The following PARD3B variants were observed in gnomAD, a reference collection of about 807,000 sequenced individuals.
PARD3B encodes partitioning defective 3 homolog B.
A neutral mutation model predicts 130.2 loss-of-function variants in PARD3B; 103 were observed. The observed-to-expected ratio is 0.79, with a 90% CI of 0.67 to 0.93. The LOEUF (loss-of-function observed/expected upper bound fraction) is 0.93, where lower values mean the gene tolerates loss of function less well. Ranked by LOEUF, PARD3B falls within the 40% of genes least tolerant of loss-of-function variation. The pLI, the probability that PARD3B is intolerant of heterozygous loss-of-function variation, is 0.00. For missense variants in PARD3B, 1,609 were observed against 1,499.2 expected, an observed-to-expected ratio of 1.07 and a Z score of -1.21; for synonymous variants, 583 against 553.2, an observed-to-expected ratio of 1.05 and a Z score of -0.76.
chr2:204,802,247 T>C (rs927753356), intron 2 of PARD3B, among the ~76,000 whole-genome samples: 2 of 152,160 alleles, frequency 1.3e-5, no homozygotes, highest in African/African-American at 4.8e-5. Context: ...CAAAAGCTCA[T>C]CATCAATGGT....
intron 12 of PARD3B, among the ~76,000 whole-genome samples, chr2:205,173,544 A>G (rs901019272): frequency 1.3e-5 from 2 of 152,224 alleles, no homozygotes; most frequent in Non-Finnish European, 2.9e-5. Flanking sequence ...ACTTCATCTC[A>G]GAGAGTAAAC....
At chr2:205,003,105 C>A (rs1268862568) in intron 3 of PARD3B, among the ~76,000 whole-genome samples, 1 of 152,204 alleles carries the variant, frequency 6.6e-6, no homozygotes, top group Non-Finnish European at 1.5e-5. Context: ...TTCCTTGGCT[C>A]CTGGTCCCCT....
At chr2:204,794,382 G>A (rs79439528) in intron 2 of PARD3B, among the ~76,000 whole-genome samples, 116 of 152,280 alleles carry the variant, frequency 7.6e-4, no homozygotes, top group African/African-American at 2.7e-3. Flanking sequence ...ATGCACTAGC[G>A]TATGGTGCTC....
intron 2 of PARD3B, among the ~76,000 whole-genome samples, chr2:204,728,994 G>C (rs1266908334): frequency 2.0e-5 from 3 of 152,114 alleles, no homozygotes. Flanking sequence ...CATTATTTCA[G>C]AACAAGCTGA....
At chr2:205,060,965 G>A (rs909240587) in intron 4 of PARD3B, among the ~76,000 whole-genome samples, 2 of 152,032 alleles carry the variant, frequency 1.3e-5, no homozygotes, top group South Asian at 2.1e-4. Flanking sequence ...GCATGAATGG[G>A]AAGCTTCAAG....
At chr2:205,264,402 T>C (rs1250848790) in intron 16 of PARD3B, among the ~76,000 whole-genome samples, 1 of 151,154 alleles carries the variant, frequency 6.6e-6, no homozygotes. Context: ...GTTCAGTGGT[T>C]TGAAACAACT....
At chr2:205,156,273 G>C (rs1177238040) in intron 10 of PARD3B, among the ~76,000 whole-genome samples, 3 of 15,618 alleles carry the variant, frequency 1.9e-4, no homozygotes, top group Non-Finnish European at 3.7e-4. Flanking sequence ...GGGGTGGGCG[G>C]GGGGGGGAGG....
chr2:205,477,542 A>T (rs2049067803), intron 20 of PARD3B, among the ~76,000 whole-genome samples: 1 of 152,130 alleles, frequency 6.6e-6, no homozygotes. Context: ...TACAGCTGAA[A>T]AGCATGCTGG....
chr2:205,132,144 C>G (rs1322068447), intron 10 of PARD3B, among the ~76,000 whole-genome samples: 1 of 152,072 alleles, frequency 6.6e-6, no homozygotes, highest in Non-Finnish European at 1.5e-5. Context: ...ATAACCATTG[C>G]TCATTTGAAT....
At chr2:204,630,577 A>G (rs1292022685) in intron 1 of PARD3B, among the ~76,000 whole-genome samples, 4 of 152,178 alleles carry the variant, frequency 2.6e-5, no homozygotes, top group Non-Finnish European at 1.5e-5. Flanking sequence ...TTGGATGTAT[A>G]TATCTTTAGC....
In PARD3B at chr2:205,069,690, TA is replaced by T. The variant is rs1260454457; in HGVS notation, c.504+22001del. ...TGGGTTGTCTGAAAAATAAGCTAGC[TA>T]GGACCAGAGCCCTCACCCTTCACCC... On this transcript the variant is annotated intron_variant, in intron 4 of 22. Transcript: ENST00000406610. 1.4e-4 allele frequency among the ~76,000 whole-genome samples: 22 copies of T among 152,166 alleles called. No individual in the cohort carries two copies. The East Asian group carries it at 3.7e-3, about 25-fold the overall frequency.
intron 2 of PARD3B, among the ~76,000 whole-genome samples, chr2:204,855,600 A>AT (rs1325534865): frequency 6.6e-6 from 1 of 151,068 alleles, no homozygotes; most frequent in Non-Finnish European, 1.5e-5. Flanking sequence ...ATAATACATT[A>AT]TTACTAACTG....
intron 15 of PARD3B, among the ~76,000 whole-genome samples, chr2:205,201,622 G>C (rs901644615): frequency 1.4e-4 from 22 of 152,224 alleles, no homozygotes; most frequent in African/African-American, 5.3e-4. Flanking sequence ...CAGATCACCT[G>C]AGGTCGGGAG....
chr2:205,491,264 C>T (rs1200799490), intron 20 of PARD3B, among the ~76,000 whole-genome samples: 1 of 152,062 alleles, frequency 6.6e-6, no homozygotes, highest in Non-Finnish European at 1.5e-5. Context: ...GTCTTTAATC[C>T]ATCTTGAATT....
chr2:204,825,598 C>CTG (rs1307172488), intron 2 of PARD3B, among the ~76,000 whole-genome samples: 1 of 152,210 alleles, frequency 6.6e-6, no homozygotes, highest in Non-Finnish European at 1.5e-5. Context: ...TCAGTGAAGA[C>CTG]TAAACAGAAA....
intron 15 of PARD3B, among the ~76,000 whole-genome samples, chr2:205,224,385 A>AAAAG (rs1292603861): frequency 1.3e-4 from 19 of 147,586 alleles, no homozygotes; most frequent in African/African-American, 4.0e-4. Flanking sequence ...AAAAAAAAAA[A>AAAAG]AAAGAAAGAA....
intron 2 of PARD3B, among the ~76,000 whole-genome samples, chr2:204,690,098 T>C (rs1167285159): frequency 6.6e-6 from 1 of 152,180 alleles, no homozygotes; most frequent in Non-Finnish European, 1.5e-5. Flanking sequence ...TAAAGGCTTG[T>C]CAGCTCTACC....
chr2:204,750,580 TG>T (rs1295997342), intron 2 of PARD3B, among the ~76,000 whole-genome samples: 1 of 151,278 alleles, frequency 6.6e-6, no homozygotes, highest in African/African-American at 2.4e-5. Flanking sequence ...AGTGAAACGC[TG>T]TTTCAAAAAT....
At chr2:205,278,047 G>A (rs148658241) in intron 16 of PARD3B, among the ~76,000 whole-genome samples, 131 of 152,288 alleles carry the variant, frequency 8.6e-4, no homozygotes, top group Non-Finnish European at 1.4e-3. Flanking sequence ...GACGCGGAGG[G>A]AGGATAGGAT....
Sources: gnomAD v4.1 joint callset for allele counts (sites outside exome capture counted in the v4.1 genomes callset) on GRCh38, gnomAD v4.1.1 for gene constraint, MANE v1.5 for transcripts, NCBI Gene and HGNC (gene_info 2026-07-23, HGNC 2026-07-21) for gene names.